Variants in FAAP20 observed in about 807,000 individuals in gnomAD.
FAAP20 encodes the protein FA core complex associated protein 20.
FAAP20 carries 12 observed loss-of-function variants against 16.2 expected under a neutral mutation model. That is an observed-to-expected ratio of 0.74 (90% confidence interval 0.48 to 1.20). The LOEUF is 1.20. Among genes scored for constraint, FAAP20 ranks in the 50% most tolerant of loss-of-function variants. The probability of loss-of-function intolerance (pLI) is 0.00; values close to 1 mark genes in which losing one functional copy is unlikely to be tolerated. For missense variants in FAAP20, 288 were observed against 245.8 expected, an observed-to-expected ratio of 1.17 and a Z score of -1.15; for synonymous variants, 141 against 110.7, an observed-to-expected ratio of 1.27 and a Z score of -1.72.
At chr1:2,184,801 C>G, downstream of FAAP20, 1 of 1,381,254 alleles carries the variant, frequency 7.2e-7, no homozygotes, top group Non-Finnish European at 1.0e-6. Flanking sequence ...TGAGTCCCAC[C>G]CGCCTGGTGT....
intron 3 of FAAP20, chr1:2,190,849 C>T (rs1327192308): frequency 4.7e-6 from 1 of 213,152 alleles, no homozygotes; most frequent in Non-Finnish European, 9.9e-6. Context: ...CAGCCTCTGC[C>T]CTCAGACCAG....
downstream of FAAP20, among the ~76,000 whole-genome samples, chr1:2,189,381 G>A (rs950995074): frequency 3.3e-5 from 5 of 151,426 alleles, no homozygotes; most frequent in Non-Finnish European, 7.4e-5. Context: ...AGCTAACCAC[G>A]CCTGTCCACA....
chr1:2,208,533 G>C (rs942564793), downstream of FAAP20, among the ~76,000 whole-genome samples: 2 of 152,170 alleles, frequency 1.3e-5, no homozygotes, highest in African/African-American at 4.8e-5. Context: ...CTGGGAGGGG[G>C]TGAGTACCAG....
At chr1:2,210,832 G>A (rs1385949830), downstream of FAAP20, among the ~76,000 whole-genome samples, 1 of 152,250 alleles carries the variant, frequency 6.6e-6, no homozygotes, top group Non-Finnish European at 1.5e-5. Flanking sequence ...AATTTGGGCT[G>A]AGGGCAGACT....
chr1:2,208,403 CTTG>C (rs918536095), downstream of FAAP20, among the ~76,000 whole-genome samples: 5 of 152,210 alleles, frequency 3.3e-5, no homozygotes, highest in East Asian at 1.9e-4. Flanking sequence ...GCAATCCAAA[CTTG>C]TTGTTAACTT....
At chr1:2,206,077 C>G (rs1336806559) in intron 3 of FAAP20, among the ~76,000 whole-genome samples, 1 of 152,258 alleles carries the variant, frequency 6.6e-6, no homozygotes, top group Admixed American at 6.5e-5. Context: ...CATGGCCACT[C>G]TAGCATGGGA....
At chr1:2,194,787 C>T (rs1310652040), upstream of FAAP20, 18 of 1,040,888 alleles carry the variant, frequency 1.7e-5, no homozygotes, top group Non-Finnish European at 2.0e-5. Flanking sequence ...GCAAGCCCCG[C>T]CCCCGCCCCT....
intron 3 of FAAP20, among the ~76,000 whole-genome samples, chr1:2,205,548 C>G (rs558074015): frequency 6.6e-6 from 1 of 152,170 alleles, no homozygotes; most frequent in South Asian, 2.1e-4. Context: ...GGGAAGCGCG[C>G]GGGGGGTTCT....
At chr1:2,198,802 A>T (rs1688925428), upstream of FAAP20, 1 of 1,289,512 alleles carries the variant, frequency 7.8e-7, no homozygotes, top group African/African-American at 1.5e-5. Context: ...TGACGCAGCC[A>T]GGAACTGGGC....
downstream of FAAP20, among the ~76,000 whole-genome samples, chr1:2,208,295 G>A (rs1341005699): frequency 2.0e-5 from 3 of 152,050 alleles, no homozygotes; most frequent in Non-Finnish European, 4.4e-5. Flanking sequence ...TCCCTGCAGT[G>A]CACGTCCTCC....
At chr1:2,207,432 C>T (rs1219392234), downstream of FAAP20, 1 of 152,312 alleles carries the variant, frequency 6.6e-6, no homozygotes, top group South Asian at 2.1e-4. Context: ...CCCAGGTCAT[C>T]TGGGCTGTCG....
downstream of FAAP20, among the ~76,000 whole-genome samples, chr1:2,209,950 A>C (rs1689391201): frequency 6.6e-6 from 1 of 152,126 alleles, no homozygotes; most frequent in Non-Finnish European, 1.5e-5. Context: ...TGGGCACTGA[A>C]ACGCTCACGG....
At chr1:2,211,315 C>T (rs1287954533), downstream of FAAP20, among the ~76,000 whole-genome samples, 6 of 136,946 alleles carry the variant, frequency 4.4e-5, no homozygotes, top group Non-Finnish European at 7.7e-5. Flanking sequence ...CTGCAACCTC[C>T]GCCGCTCAGG....
upstream of FAAP20, among the ~76,000 whole-genome samples, chr1:2,202,179 G>A (rs1351481584): frequency 6.6e-6 from 1 of 152,218 alleles, no homozygotes; most frequent in Non-Finnish European, 1.5e-5. Flanking sequence ...ACTCCGGGCT[G>A]TCCTGCAAAC....
At chr1:2,198,291 G>A (rs1557788217), upstream of FAAP20, 13 of 739,306 alleles carry the variant, frequency 1.8e-5, no homozygotes, top group East Asian at 2.0e-4. Flanking sequence ...GTGGGTGGGG[G>A]CATCAGAGCC....
downstream of FAAP20, among the ~76,000 whole-genome samples, chr1:2,208,351 T>G (rs1364759890): frequency 1.3e-5 from 2 of 152,090 alleles, no homozygotes; most frequent in Non-Finnish European, 2.9e-5. Context: ...TTACCCTGTC[T>G]CCCTCCCTTC....
At chr1:2,198,505 C>G (rs1012717396), upstream of FAAP20, 1 of 473,548 alleles carries the variant, frequency 2.1e-6, no homozygotes, top group South Asian at 2.1e-5. Flanking sequence ...CCACTGGCAT[C>G]CTCAGAGTCA....
intron 3 of FAAP20, chr1:2,190,109 G>A (rs1454791962): frequency 1.9e-6 from 1 of 540,462 alleles, no homozygotes; most frequent in Non-Finnish European, 3.6e-6. Flanking sequence ...CCGGCAGACA[G>A]GCGGCCTGAC....
chr1:2,184,864 T>A, downstream of FAAP20: 1 of 1,498,878 alleles, frequency 6.7e-7, no homozygotes, highest in Non-Finnish European at 9.2e-7. Flanking sequence ...TGACTCCGCT[T>A]CCCCCAAGGG....
Sources: gnomAD v4.1 joint callset for allele counts (sites outside exome capture counted in the v4.1 genomes callset) on GRCh38, gnomAD v4.1.1 for gene constraint, MANE v1.5 for transcripts, NCBI Gene and HGNC (gene_info 2026-07-23, HGNC 2026-07-21) for gene names.